ESR1: variants seen among roughly 807,000 people sequenced by gnomAD.
ESR1 encodes estrogen receptor.
Under a neutral mutation model 52.7 loss-of-function variants are expected in ESR1, and 12 were observed. That is an observed-to-expected ratio of 0.23 (90% CI 0.15 to 0.37). ESR1 has a LOEUF of 0.37. Among genes scored for constraint, ESR1 ranks in the 10% least tolerant of loss-of-function variants. The probability of loss-of-function intolerance (pLI) is 1.00; values close to 1 mark genes in which losing one functional copy is unlikely to be tolerated. For synonymous variants in ESR1, 305 were observed against 316.8 expected (o/e 0.96, Z 0.39); for missense variants, 584 against 779.7 (o/e 0.75, Z 2.99).
At chr6:152,096,245 A>T (rs2152500274) in intron 7 of ESR1, among the ~76,000 whole-genome samples, 1 of 152,312 alleles carries the variant, frequency 6.6e-6, no homozygotes, top group South Asian at 2.1e-4. Flanking sequence ...TTGGGCTTAC[A>T]CCAGGACCCT....
chr6:151,709,203 G>C (rs1361960225), intron 2 of ESR1, among the ~76,000 whole-genome samples: 2 of 151,850 alleles, frequency 1.3e-5, no homozygotes, highest in Non-Finnish European at 2.9e-5. Flanking sequence ...AACCTTTTTA[G>C]ACTCTACATA....
intron 2 of ESR1, among the ~76,000 whole-genome samples, chr6:151,705,650 A>T (rs1045636066): frequency 6.6e-6 from 1 of 152,156 alleles, no homozygotes; most frequent in Non-Finnish European, 1.5e-5. Context: ...CTGTATTTCC[A>T]TTCTTACAGG....
At chr6:151,890,476 ATT>A (rs1794542202) in intron 3 of ESR1, among the ~76,000 whole-genome samples, 1 of 152,188 alleles carries the variant, frequency 6.6e-6, no homozygotes, top group African/African-American at 2.4e-5. Context: ...TGGATGAAAT[ATT>A]CTGTATGTAT....
chr6:152,094,900 C>T lies in ESR1; in HGVS notation c.1553+332C>T, dbSNP rs948958667. ...AAGAGAAGTCAGTGAATGTACACAT[C>T]CCCTGAAGACACTGGGTACATCTGT... On this transcript the variant is annotated intron_variant, in intron 7 of 7. Coordinates refer to ENST00000206249, the MANE Select transcript of ESR1 (RefSeq NM_000125.4). The surrounding 1 kb of genome is among the most constrained non-coding windows in gnomAD (Gnocchi z 4.6). Among the ~76,000 whole-genome samples the T allele has an allele frequency of 1.3e-5, 2 of 152,114 alleles. No individual in the cohort carries two copies. Among genetic ancestry groups the T allele is most frequent in the Non-Finnish European group, 2.9e-5 (2 of 68,018 alleles).
intron 2 of ESR1, among the ~76,000 whole-genome samples, chr6:151,724,251 C>T (rs1487341330): frequency 6.6e-6 from 1 of 152,050 alleles, no homozygotes; most frequent in African/African-American, 2.4e-5. Context: ...ATTATTCTAC[C>T]GCTTAGGAGA....
In ESR1 at chr6:152,048,110, C is replaced by T. The variant is rs544829893; in HGVS notation, c.1236-12881C>T. ...CCTCGGCCTGGCGCGGTGGCTCACG[C>T]CTGTAATCCCAGCACTTTCGGACGC... On this transcript the variant is annotated intron_variant, in intron 5 of 7. Coordinates refer to ENST00000206249, the MANE Select transcript of ESR1 (RefSeq NM_000125.4). Among the ~76,000 whole-genome samples, 14 of 152,022 alleles carry T rather than the reference C, an allele frequency of 9.2e-5. No individual in the cohort carries two copies. The South Asian group carries it at 2.7e-3, about 29-fold the overall frequency.
At chr6:151,799,909 C>A (rs1315024834), upstream of ESR1, among the ~76,000 whole-genome samples, 2 of 152,052 alleles carry the variant, frequency 1.3e-5, no homozygotes, top group East Asian at 1.9e-4. Context: ...TAAAAGAAAT[C>A]CAGTATGGGA....
At chr6:151,719,531 GT>G (rs1781305380) in intron 2 of ESR1, among the ~76,000 whole-genome samples, 1 of 152,170 alleles carries the variant, frequency 6.6e-6, no homozygotes, top group African/African-American at 2.4e-5. Context: ...GGAGTCCATT[GT>G]ACTTGGAGCC....
At chr6:151,666,222 G>T (rs9383938) in intron 1 of ESR1, among the ~76,000 whole-genome samples, 16,707 of 152,202 alleles carry the variant, frequency 0.11, 1,136 homozygotes, top group East Asian at 0.36. Context: ...CAAGTTCCAT[G>T]CCCAGAGGAG....
chr6:151,791,991 C>T (rs1776207010), intron 2 of ESR1, among the ~76,000 whole-genome samples: 1 of 152,160 alleles, frequency 6.6e-6, no homozygotes, highest in Admixed American at 6.5e-5. Flanking sequence ...ATGGTGCAAA[C>T]ATCATCAAGT....
At chr6:152,051,380 C>CAAACAA (rs938451263) in intron 5 of ESR1, among the ~76,000 whole-genome samples, 1 of 152,096 alleles carries the variant, frequency 6.6e-6, no homozygotes, top group African/African-American at 2.4e-5. Flanking sequence ...AACAAACAAG[C>CAAACAA]AAACAAAAAC....
At position 151,829,312 on chromosome 6, in the gene ESR1, G is replaced by T. The variant is rs539915701; in HGVS notation, c.453-13285G>T. ...TTACTGATAGTGTTCGTTGAACAAA[G>T]AATATGTCAGATATACAGAAGTGTT... On this transcript the variant is annotated intron_variant, in intron 1 of 7. Coordinates refer to ENST00000206249, the MANE Select transcript of ESR1 (RefSeq NM_000125.4). 4.6e-5 allele frequency among the ~76,000 whole-genome samples: 7 copies of T among 152,314 alleles called. No homozygotes were observed. In the East Asian group the frequency reaches 1.3e-3, roughly 29 times the overall value.
At chr6:151,941,254 T>G (rs1373853040) in intron 3 of ESR1, among the ~76,000 whole-genome samples, 1 of 152,224 alleles carries the variant, frequency 6.6e-6, no homozygotes, top group Non-Finnish European at 1.5e-5. Context: ...AGATCCGCTA[T>G]TAAAGACTGT....
intron 3 of ESR1, among the ~76,000 whole-genome samples, chr6:151,899,066 C>T (rs1255790968): frequency 1.4e-4 from 21 of 145,970 alleles, no homozygotes; most frequent in Admixed American, 8.8e-4. Context: ...GGCGGCTGGC[C>T]GGGTGGGGGG....
At chr6:151,887,974 C>G (rs1464385595) in intron 3 of ESR1, among the ~76,000 whole-genome samples, 1 of 152,096 alleles carries the variant, frequency 6.6e-6, no homozygotes, top group Non-Finnish European at 1.5e-5. Context: ...CTTTTAGCAG[C>G]TTTGTCAAAA....
chr6:151,970,996 A>G (rs1283990941), intron 4 of ESR1, among the ~76,000 whole-genome samples: 2 of 152,144 alleles, frequency 1.3e-5, no homozygotes, highest in African/African-American at 4.8e-5. Context: ...TTGTTTGTGG[A>G]CATGCCTGAT....
At chr6:152,013,804 C>T (rs997537716) in intron 5 of ESR1, among the ~76,000 whole-genome samples, 1 of 152,128 alleles carries the variant, frequency 6.6e-6, no homozygotes, top group Non-Finnish European at 1.5e-5. Context: ...AACTTCAGAT[C>T]GGAAATTTGA....
intron 7 of ESR1, chr6:152,096,605 C>T (rs2050629866): frequency 2.2e-6 from 1 of 455,468 alleles, no homozygotes; most frequent in Admixed American, 2.4e-5. Context: ...TTTCCCTGCC[C>T]TGTGAATTCG....
chr6:151,685,172 G>GC lies in ESR1; in HGVS notation n.74-16701dup, dbSNP rs1438669624. Among the ~76,000 whole-genome samples, 3 of 124,568 alleles carry GC rather than the reference G, an allele frequency of 2.4e-5. No homozygotes were observed. In the Admixed American group the frequency reaches 3.0e-4, roughly 12 times the overall value. The allele number at this position is 124,568 out of a possible 152,430, so 81.7% of individuals were successfully genotyped here. On this transcript the variant is annotated intron_variant and non_coding_transcript_variant, in intron 1 of 2. Transcript: ENST00000473497. ...GACGGAGTCTCGCTCTGTCGCCCAG[G>GC]CCGGACTGCGGACTGCAGTGGCGCA... is the stretch of plus-strand genomic sequence containing the variant.
Sources: gnomAD v4.1 joint callset for allele counts (sites outside exome capture counted in the v4.1 genomes callset) on GRCh38, gnomAD v4.1.1 for gene constraint, Gnocchi (gnomAD v3.1) non-coding constraint, MANE v1.5 for transcripts, NCBI Gene and HGNC (gene_info 2026-07-23, HGNC 2026-07-21) for gene names.